The following EVC variants were observed in gnomAD, a reference collection of about 807,000 sequenced individuals.
EVC encodes EvC ciliary complex subunit 1, also known as evC complex member EVC.
A neutral mutation model predicts 118.9 loss-of-function variants in EVC; 116 were observed. The observed-to-expected ratio is 0.98, with a 90% confidence interval of 0.84 to 1.14. EVC has a LOEUF of 1.14. Among genes scored for constraint, EVC ranks in the 50% most tolerant of loss-of-function variants. EVC has a pLI of 0.00. For synonymous variants in EVC, 619 were observed against 534.7 expected (o/e 1.16, Z -2.18); for missense variants, 1,401 against 1,246.4 (o/e 1.12, Z -1.87).
intron 5 of EVC, among the ~76,000 whole-genome samples, chr4:5,734,482 A>C (rs572932347): frequency 6.6e-6 from 1 of 151,306 alleles, no homozygotes; most frequent in African/African-American, 2.4e-5. Context: ...TCTACCAAAA[A>C]CAAAAACAAA....
At chr4:5,739,851 A>T (rs1728243858) in intron 5 of EVC, among the ~76,000 whole-genome samples, 1 of 145,944 alleles carries the variant, frequency 6.9e-6, no homozygotes, top group African/African-American at 2.6e-5. Flanking sequence ...AGGTTGCATG[A>T]GTTCAGGAGT....
chr4:5,720,081 C>G (rs1326729284), intron 2 of EVC, among the ~76,000 whole-genome samples: 1 of 152,176 alleles, frequency 6.6e-6, no homozygotes, highest in African/African-American at 2.4e-5. Flanking sequence ...CTTCCTCTAT[C>G]CACAGAACAT....
chr4:5,741,945 T>C (rs960888290), intron 6 of EVC, 131 bp downstream of exon 6: 2 of 500,030 alleles, frequency 4.0e-6, no homozygotes, highest in East Asian at 3.3e-5. Flanking sequence ...CAACACAGTA[T>C]AGTGAAATAT....
In EVC at chr4:5,793,752, G is replaced by A. The variant is rs950217728; in HGVS notation, c.1886+35G>A. 4.0e-6 allele frequency: 6 copies of A among 1,484,812 alleles called. No individual in the cohort carries two copies. The African/African-American group carries it at 5.6e-5, about 14-fold the overall frequency. The allele number at this position is 1,484,812 out of a possible 1,614,324, so 92.0% of individuals were successfully genotyped here. On this transcript the variant is annotated intron_variant, in intron 13 of 20. Transcript: ENST00000264956. ...GCTCCCTGAAGGCCCAGGGCTTTGTGTCCTGCATGATGCTCCCTCCAGCCT... is the reference window on the plus strand; with the variant it reads ...GCTCCCTGAAGGCCCAGGGCTTTGTATCCTGCATGATGCTCCCTCCAGCCT...
downstream of EVC, among the ~76,000 whole-genome samples, chr4:5,816,100 A>G (rs1234677179): frequency 6.6e-6 from 1 of 151,940 alleles, no homozygotes; most frequent in Non-Finnish European, 1.5e-5. Flanking sequence ...CATCCCAGAG[A>G]TTCTGAGTCA....
At chr4:5,806,835 C>G (rs545700013) in intron 17 of EVC, among the ~76,000 whole-genome samples, 2 of 152,312 alleles carry the variant, frequency 1.3e-5, no homozygotes, top group Admixed American at 6.5e-5. Context: ...TTCTCCACAT[C>G]CTCACCAAGT....
At chr4:5,725,808 G>A (rs1244973425) in intron 2 of EVC, among the ~76,000 whole-genome samples, 1 of 152,138 alleles carries the variant, frequency 6.6e-6, no homozygotes, top group Non-Finnish European at 1.5e-5. Context: ...GTCCTGAATG[G>A]TATTGCCTAG....
intron 11 of EVC, among the ~76,000 whole-genome samples, chr4:5,781,735 G>T (rs1389174948): frequency 2.0e-5 from 3 of 152,140 alleles, no homozygotes; most frequent in Non-Finnish European, 4.4e-5. Context: ...AGCTATTTGG[G>T]AGGCTGAGGT....
Position 5,733,419 on chromosome 4 carries a change from G to A in EVC, c.686G>A (p.Arg229Lys). Reference sequence around the variant, plus strand: ...CTGCTGCATTTGGACACGGCACTGAGGCAGGAAAAGCATATGGTAGGTGGA... The same window carrying A: ...CTGCTGCATTTGGACACGGCACTGAAGCAGGAAAAGCATATGGTAGGTGGA... Reference protein sequence around the residue: ...KDLLHLDTALRQEKHMMFIQI... With the variant: ...KDLLHLDTALKQEKHMMFIQI... Residue 229 changes from arginine (R) to lysine (K), a missense_variant, in exon 5 of 21, where the codon AGG becomes AAG. Transcript: ENST00000264956. 3.7e-6 allele frequency: 6 copies of A among 1,614,046 alleles called. No individual in the cohort carries two copies. Among genetic ancestry groups the A allele is most frequent in the South Asian group, 1.1e-5 (1 of 91,078 alleles).
intron 11 of EVC, among the ~76,000 whole-genome samples, chr4:5,776,849 G>A (rs1298163589): frequency 6.8e-6 from 1 of 147,550 alleles, no homozygotes; most frequent in Non-Finnish European, 1.5e-5. Flanking sequence ...AGAACTGCTA[G>A]TTGGCTCTTT....
intron 14 of EVC, 119 bp downstream of exon 14, chr4:5,797,351 G>T (rs1451116973): frequency 1.2e-5 from 10 of 838,370 alleles, no homozygotes; most frequent in Non-Finnish European, 2.0e-5. Flanking sequence ...GCAGGGTGCG[G>T]TATTCATTCG....
At chr4:5,796,155 T>G (rs1241691648) in intron 13 of EVC, among the ~76,000 whole-genome samples, 2 of 152,234 alleles carry the variant, frequency 1.3e-5, no homozygotes, top group Non-Finnish European at 2.9e-5. Context: ...TCCATTTGAT[T>G]CCTTGTATAG....
chr4:5,743,291 C>G lies in EVC; in HGVS notation c.801+1477C>G, dbSNP rs1452774380. On this transcript the variant is annotated intron_variant, in intron 6 of 20. Transcript: ENST00000264956. The surrounding 1 kb of genome is among the most constrained non-coding windows in gnomAD (Gnocchi z 4.7). ...GATCAGCAGGGTTGTGATCAGAAAACAAGTCCTGCCAGTCTCCTACCTCAC... is the reference window on the plus strand; with the variant it reads ...GATCAGCAGGGTTGTGATCAGAAAAGAAGTCCTGCCAGTCTCCTACCTCAC... Among the ~76,000 whole-genome samples the G allele has an allele frequency of 1.3e-5, 2 of 152,174 alleles. No individual in the cohort carries two copies. The highest frequency in any genetic ancestry group is 4.8e-5 in the African/African-American group (2 of 41,444).
In EVC at chr4:5,783,761, G is replaced by C. The variant is rs1224044727; in HGVS notation, c.1773G>C (p.Gln591His). ...KLFQELLEQDQQVWMEECALS... is the reference protein window; with the variant it reads ...KLFQELLEQDHQVWMEECALS... ...TCCAGGAGCTCCTAGAGCAAGACCA[G>C]CAGGTGCGGGCATTTGGGAACCCAG... The change falls in exon 12 of 21, where the codon CAG becomes CAC. Residue 591 changes from glutamine to histidine, a missense_variant. Coordinates refer to ENST00000264956, the MANE Select transcript of EVC (RefSeq NM_153717.3). 4 of 1,607,744 alleles carry C rather than the reference G, an allele frequency of 2.5e-6. No individual in the cohort carries two copies. Among genetic ancestry groups the C allele is most frequent in the Middle Eastern group, 1.6e-4 (1 of 6,066 alleles).
At position 5,765,161 on chromosome 4, in the gene EVC, T is replaced by C. The variant is rs200287271; in HGVS notation, c.1563+8799T>C. On this transcript the variant is annotated intron_variant, in intron 11 of 20. Coordinates refer to ENST00000264956, the MANE Select transcript of EVC (RefSeq NM_153717.3). ...ATTTCTGCCTTCATTTTGTTATGTA[T>C]CCAGTAGTCATTCAGGAGCAGGTTG... Among the ~76,000 whole-genome samples, 37 of 117,928 alleles carry C rather than the reference T, an allele frequency of 3.1e-4. 8 individuals are homozygous for C. The highest frequency in any genetic ancestry group is 3.0e-3 in the East Asian group (11 of 3,682). The allele number at this position is 117,928 out of a possible 152,430, so 77.4% of individuals were successfully genotyped here. A position where few individuals can be genotyped will look rare whatever the true frequency, so the allele number is the denominator to read the frequency against.
Position 5,793,706 on chromosome 4 carries a change from C to T in EVC, c.1875C>T (p.Gly625=). 1 of 1,550,226 alleles carries T rather than the reference C, an allele frequency of 6.5e-7. No homozygotes were observed. The highest frequency in any genetic ancestry group is 1.2e-5 in the South Asian group (1 of 83,992). ...GCGGCGTCTTGGGCCGACTGGGCGG[C>T]CTCACTGAAGAGTGAGTACAGCTCC... The part of the protein sequence containing the change: ...TIRGVLGRLG[G]LTEESTRCVL... The change falls in exon 13 of 21, where the codon GGC becomes GGT. Residue 625 remains glycine, a synonymous_variant. Transcript: ENST00000264956.
intron 11 of EVC, among the ~76,000 whole-genome samples, chr4:5,782,389 A>ATTTTTTTT (rs71171482): frequency 2.5e-5 from 2 of 78,568 alleles, no homozygotes; most frequent in Non-Finnish European, 4.8e-5. Context: ...GTAAGGTTCC[A>ATTTTTTTT]TTTTTTTTTT....
At chr4:5,780,023 C>A (rs926285415) in intron 11 of EVC, among the ~76,000 whole-genome samples, 1 of 152,122 alleles carries the variant, frequency 6.6e-6, no homozygotes, top group Non-Finnish European at 1.5e-5. Flanking sequence ...CCCATCAATA[C>A]CTAATTGATT....
At chr4:5,805,668 G>A (rs1043866817) in intron 17 of EVC, among the ~76,000 whole-genome samples, 1 of 152,132 alleles carries the variant, frequency 6.6e-6, no homozygotes, top group African/African-American at 2.4e-5. Flanking sequence ...CCGCACCAAG[G>A]GATACTGATA....
Sources: allele counts gnomAD v4.1 joint callset (sites outside exome capture counted in the v4.1 genomes callset), GRCh38; gene constraint gnomAD v4.1.1; non-coding constraint Gnocchi (gnomAD v3.1); transcripts MANE v1.5; gene names NCBI Gene and HGNC (gene_info 2026-07-23, HGNC 2026-07-21).